DMD: variants seen among roughly 807,000 people sequenced by gnomAD.
The protein encoded by DMD is mutant dystrophin.
In DMD, 63 loss-of-function variants were observed where a neutral mutation model predicts 330.1. That is an observed-to-expected ratio of 0.19 (90% CI 0.16 to 0.24). DMD has a LOEUF of 0.24. DMD is among the 10% of genes least tolerant of loss of function. DMD has a pLI of 1.00. For synonymous variants in DMD, 1,223 were observed against 959.8 expected (o/e 1.27, Z -5.07); for missense variants, 3,344 against 2,684.1 (o/e 1.25, Z -5.43).
At position 31,598,083 on chromosome X, in the gene DMD, C is replaced by T. The variant is rs771122632; in HGVS notation, c.8217+29590G>A. Among the ~76,000 whole-genome samples the T allele has an allele frequency of 1.2e-3, 133 of 108,034 alleles. 1 individual carries two copies. Among genetic ancestry groups the T allele is most frequent in the Non-Finnish European group, 1.8e-3 (94 of 52,431 alleles). 93.8% of individuals were successfully genotyped at this position (108,034 alleles called of 115,157 possible). On this transcript the variant is annotated intron_variant, in intron 55 of 78. Transcript: ENST00000357033. ...CTTGAAATGAAATTAGAGTTACCTA[C>T]GCAAATATATGTGTGTGTATCTTGT...
intron 2 of DMD, among the ~76,000 whole-genome samples, chrX:33,006,043 A>C (rs899060684): frequency 9.0e-6 from 1 of 111,566 alleles, no homozygotes; most frequent in African/African-American, 3.2e-5. Flanking sequence ...AAATCTAAAA[A>C]ATATACAAGA....
chrX:31,638,909 A>G (rs1208639017), intron 54 of DMD, among the ~76,000 whole-genome samples: 1 of 111,965 alleles, frequency 8.9e-6, no homozygotes, highest in Non-Finnish European at 1.9e-5. Flanking sequence ...TGTGAGGGGA[A>G]GGAGAATAGA....
At chrX:32,119,135 G>T (rs773669513) in intron 44 of DMD, among the ~76,000 whole-genome samples, 36 of 110,398 alleles carry the variant, frequency 3.3e-4, no homozygotes, top group Non-Finnish European at 6.1e-4. Flanking sequence ...TTTGAGATCA[G>T]TCTGGGCAAC....
intron 7 of DMD, among the ~76,000 whole-genome samples, chrX:32,751,818 C>T (rs1200907618): frequency 8.9e-6 from 1 of 112,406 alleles, no homozygotes; most frequent in Admixed American, 9.4e-5. Flanking sequence ...AGACTTGGTG[C>T]CCTGTGTCCC....
intron 1 of DMD, among the ~76,000 whole-genome samples, chrX:33,312,640 C>G (rs1023967633): frequency 1.8e-5 from 2 of 111,924 alleles, no homozygotes; most frequent in African/African-American, 6.5e-5. Flanking sequence ...TTAGTGAATA[C>G]TGAAGCATTC....
chrX:32,280,284 A>T (rs940952233), intron 43 of DMD, among the ~76,000 whole-genome samples: 2 of 107,584 alleles, frequency 1.9e-5, no homozygotes, highest in East Asian at 5.9e-4. Flanking sequence ...CTGTCTGTCT[A>T]CTGTATCTTC....
intron 74 of DMD, among the ~76,000 whole-genome samples, chrX:31,149,031 T>G (rs1424655275): frequency 8.9e-6 from 1 of 112,443 alleles, no homozygotes; most frequent in Non-Finnish European, 1.9e-5. Flanking sequence ...CTGTATGTTC[T>G]CTGCTTTTTA....
chrX:32,743,395 C>A (rs12116214), intron 7 of DMD, among the ~76,000 whole-genome samples: 2 of 110,495 alleles, frequency 1.8e-5, no homozygotes, highest in Admixed American at 9.6e-5. Context: ...GCATCTCATC[C>A]CAAATAAACT....
chrX:32,096,011 T>G (rs767151877), intron 44 of DMD, among the ~76,000 whole-genome samples: 1 of 111,546 alleles, frequency 9.0e-6, no homozygotes, highest in African/African-American at 3.3e-5. Context: ...ACCCATTAAC[T>G]CGTCATTTAC....
intron 59 of DMD, among the ~76,000 whole-genome samples, chrX:31,446,597 C>G (rs764679610): frequency 2.3e-4 from 26 of 111,627 alleles, no homozygotes; most frequent in Non-Finnish European, 3.8e-4. Flanking sequence ...TGTTCCATTT[C>G]CTTATGAATA....
intron 54 of DMD, among the ~76,000 whole-genome samples, chrX:31,636,387 T>C (rs1383820571): frequency 2.7e-5 from 3 of 112,175 alleles, no homozygotes; most frequent in South Asian, 3.7e-4. Context: ...TGTATTGTTA[T>C]AGTATTTTAC....
intron 43 of DMD, among the ~76,000 whole-genome samples, chrX:32,283,766 C>T (rs331337): frequency 0.29 from 31,845 of 109,849 alleles, 3,698 homozygotes; most frequent in Non-Finnish European, 0.35. Flanking sequence ...ATATATTATA[C>T]ATGGTTTTTT....
At chrX:32,827,179 T>C (rs2078785155) in intron 4 of DMD, among the ~76,000 whole-genome samples, 1 of 108,733 alleles carries the variant, frequency 9.2e-6, no homozygotes, top group Non-Finnish European at 1.9e-5. Flanking sequence ...TAGGCAACTG[T>C]GTCTCACGGA....
intron 52 of DMD, among the ~76,000 whole-genome samples, chrX:31,727,550 T>C (rs959705809): frequency 8.9e-6 from 1 of 112,190 alleles, no homozygotes; most frequent in Non-Finnish European, 1.9e-5. Context: ...TCATTCTTCA[T>C]CTGCCCATTA....
At chrX:33,190,953 TTATATATATATATAATATATAATATTA>T (rs2050571707) in intron 1 of DMD, among the ~76,000 whole-genome samples, 4 of 1,586 alleles carry the variant, frequency 2.5e-3, no homozygotes, top group Admixed American at 0.014. Flanking sequence ...ATATATAATA[TTATATATATATATAATATATAATATTA>T]TATATATATA....
chrX:31,527,911 C>T (rs920634741), intron 55 of DMD, among the ~76,000 whole-genome samples: 4 of 111,659 alleles, frequency 3.6e-5, no homozygotes, highest in Non-Finnish European at 7.5e-5. Context: ...ATGTGTCTAA[C>T]GTACCTAGAG....
At chrX:32,051,228 CTG>C (rs1241878480) in intron 44 of DMD, among the ~76,000 whole-genome samples, 1 of 110,473 alleles carries the variant, frequency 9.1e-6, no homozygotes, top group Non-Finnish European at 1.9e-5. Flanking sequence ...AAATTCCCTT[CTG>C]TGTCTAGTCA....
intron 21 of DMD, among the ~76,000 whole-genome samples, chrX:32,481,783 T>C (rs1163154016): frequency 3.6e-5 from 4 of 112,360 alleles, no homozygotes; most frequent in African/African-American, 9.7e-5. Context: ...TATTCAATTT[T>C]ATTATCTTTC....
chrX:31,267,465 G>A (rs933677030), intron 62 of DMD, among the ~76,000 whole-genome samples: 4 of 112,336 alleles, frequency 3.6e-5, no homozygotes, highest in African/African-American at 1.3e-4. Context: ...CATAGCAGCG[G>A]ATCTCAAAAT....
Sources: gnomAD v4.1 joint callset for allele counts (sites outside exome capture counted in the v4.1 genomes callset) on GRCh38, gnomAD v4.1.1 for gene constraint, MANE v1.5 for transcripts, NCBI Gene and HGNC (gene_info 2026-07-23, HGNC 2026-07-21) for gene names.